STXBP5L: variants seen among roughly 807,000 people sequenced by gnomAD.
The protein encoded by STXBP5L is syntaxin-binding protein 5-like.
Under a neutral mutation model 144.5 loss-of-function variants are expected in STXBP5L, and 65 were observed. The observed-to-expected ratio is 0.45, with a 90% CI of 0.37 to 0.55. The LOEUF is 0.55. Among genes scored for constraint, STXBP5L ranks in the 20% least tolerant of loss-of-function variants. STXBP5L has a pLI of 0.00. For missense variants in STXBP5L, 1,298 were observed against 1,405.5 expected (o/e 0.92, Z 1.22); for synonymous variants, 505 against 469.6 (o/e 1.08, Z -0.97).
chr3:121,058,528 C>A (rs1005619985), intron 5 of STXBP5L, among the ~76,000 whole-genome samples: 1 of 152,290 alleles, frequency 6.6e-6, no homozygotes, highest in South Asian at 2.1e-4. Flanking sequence ...ATTTCTGATT[C>A]TAGATCCTTG....
intron 9 of STXBP5L, among the ~76,000 whole-genome samples, chr3:121,161,451 C>A (rs181347444): frequency 7.2e-5 from 11 of 151,966 alleles, no homozygotes; most frequent in African/African-American, 2.2e-4. Flanking sequence ...CAATTGCTTT[C>A]AAAATTTTGC....
At chr3:121,218,129 A>G (rs1204454276) in intron 10 of STXBP5L, among the ~76,000 whole-genome samples, 2 of 140,692 alleles carry the variant, frequency 1.4e-5, no homozygotes, top group African/African-American at 2.6e-5. Context: ...ATAATATAAT[A>G]TGTAGTATAA....
intron 5 of STXBP5L, among the ~76,000 whole-genome samples, chr3:121,052,212 T>C (rs1948065402): frequency 6.6e-6 from 1 of 152,066 alleles, no homozygotes; most frequent in Non-Finnish European, 1.5e-5. Context: ...AAAGAGGGAA[T>C]CCTCCCTAAC....
chr3:121,214,881 T>G (rs1300686161), intron 10 of STXBP5L, among the ~76,000 whole-genome samples: 1 of 152,228 alleles, frequency 6.6e-6, no homozygotes, highest in Non-Finnish European at 1.5e-5. Flanking sequence ...TTTATGAATC[T>G]GGGTGCTCCT....
intron 2 of STXBP5L, among the ~76,000 whole-genome samples, chr3:120,914,149 G>T (rs1708989371): frequency 1.3e-5 from 2 of 151,886 alleles, no homozygotes; most frequent in African/African-American, 2.4e-5. Context: ...TGATCTTTTT[G>T]GGGGAACAAC....
intron 20 of STXBP5L, among the ~76,000 whole-genome samples, chr3:121,321,950 C>A (rs1577454954): frequency 6.6e-6 from 1 of 152,156 alleles, no homozygotes; most frequent in African/African-American, 2.4e-5. Context: ...CTTCCCATCA[C>A]CCCGGCAGTG....
At chr3:121,228,910 C>A (rs539676555) in intron 11 of STXBP5L, among the ~76,000 whole-genome samples, 60 of 152,130 alleles carry the variant, frequency 3.9e-4, no homozygotes, top group African/African-American at 1.2e-3. Flanking sequence ...AGAAAGGAAA[C>A]CTTTGTTGTT....
chr3:121,259,123 C>T lies in STXBP5L; in HGVS notation c.1913C>T (p.Pro638Leu). Residue 638 changes from proline to leucine, a missense_variant, in exon 18 of 27, where the codon CCT becomes CTT. Coordinates refer to ENST00000471454, the MANE Select transcript of STXBP5L (RefSeq NM_001308330.2). ...CAATTGGTGTGGGTAGATGGTGAAC[C>T]TCCACAACAGATTACTAGTCTTGCT... ...VIQLVWVDGE[P>L]PQQITSLAVS... 6.2e-7 allele frequency: 1 copy of T among 1,601,132 alleles called. No homozygotes were observed. Among genetic ancestry groups the T allele is most frequent in the Non-Finnish European group, 8.5e-7 (1 of 1,172,626 alleles).
chr3:121,094,946 G>A, intron 5 of STXBP5L, among the ~76,000 whole-genome samples: 1 of 151,866 alleles, frequency 6.6e-6, no homozygotes, highest in East Asian at 1.9e-4. Context: ...CTTCCTTCAG[G>A]AGCTCTTTTA....
chr3:121,313,909 C>G (rs2043670620), intron 19 of STXBP5L, among the ~76,000 whole-genome samples: 1 of 144,932 alleles, frequency 6.9e-6, no homozygotes, highest in South Asian at 2.3e-4. Flanking sequence ...CGCTCCTCAC[C>G]TCCCAGACAG....
At position 120,993,616 on chromosome 3, in the gene STXBP5L, T is replaced by C. The variant is rs576118710; in HGVS notation, c.287+38579T>C. 1.8e-4 allele frequency among the ~76,000 whole-genome samples: 28 copies of C among 152,240 alleles called. No homozygotes were observed. In the South Asian group the frequency reaches 3.9e-3, roughly 21 times the overall value. On this transcript the variant is annotated intron_variant, in intron 3 of 26. Coordinates refer to ENST00000471454, the MANE Select transcript of STXBP5L (RefSeq NM_001308330.2). ...GCACCAAATGAGTTGGTTGTAAATA[T>C]GTGGATTTATTTGTGAATTCTGTGT...
At chr3:120,968,341 A>T (rs1429771727) in intron 3 of STXBP5L, among the ~76,000 whole-genome samples, 1 of 152,140 alleles carries the variant, frequency 6.6e-6, no homozygotes, top group Non-Finnish European at 1.5e-5. Context: ...TGACCCCTTC[A>T]TCATCATATA....
chr3:121,351,924 C>A (rs1345320046), intron 20 of STXBP5L, among the ~76,000 whole-genome samples: 1 of 152,086 alleles, frequency 6.6e-6, no homozygotes, highest in Non-Finnish European at 1.5e-5. Flanking sequence ...TTCCCAGCAC[C>A]ATTTATTAAA....
chr3:121,292,999 C>T (rs2051501944), intron 19 of STXBP5L, among the ~76,000 whole-genome samples: 1 of 152,094 alleles, frequency 6.6e-6, no homozygotes, highest in South Asian at 2.1e-4. Context: ...TGTAAATAAA[C>T]ACCACTTGTT....
At chr3:121,096,993 C>G (rs1230185565) in intron 5 of STXBP5L, among the ~76,000 whole-genome samples, 4 of 152,206 alleles carry the variant, frequency 2.6e-5, no homozygotes, top group Non-Finnish European at 5.9e-5. Flanking sequence ...GGGGTTTTGT[C>G]TATATGTCCC....
At chr3:121,392,770 CATATATATATATAT>C (rs71133531) in intron 22 of STXBP5L, among the ~76,000 whole-genome samples, 111 of 112,366 alleles carry the variant, frequency 9.9e-4, no homozygotes, top group Middle Eastern at 5.0e-3. Context: ...TATTTCATGG[CATATATATATATAT>C]ATATATATAT....
At chr3:121,345,807 C>CT (rs978778334) in intron 20 of STXBP5L, among the ~76,000 whole-genome samples, 7 of 151,936 alleles carry the variant, frequency 4.6e-5, no homozygotes, top group Non-Finnish European at 4.4e-5. Context: ...TAGAAGTCTT[C>CT]TTTTTTTATA....
chr3:120,998,224 C>A (rs1217667076), intron 3 of STXBP5L, among the ~76,000 whole-genome samples: 2 of 152,094 alleles, frequency 1.3e-5, no homozygotes, highest in Non-Finnish European at 2.9e-5. Context: ...TACTGGAAGT[C>A]CTAGCCAGAG....
intron 19 of STXBP5L, among the ~76,000 whole-genome samples, chr3:121,301,188 G>A (rs913936767): frequency 3.9e-5 from 6 of 152,170 alleles, no homozygotes; most frequent in African/African-American, 7.2e-5. Flanking sequence ...AGCATGGAAT[G>A]TTCTTCCATT....
Sources: gnomAD v4.1 joint callset for allele counts (sites outside exome capture counted in the v4.1 genomes callset) on GRCh38, gnomAD v4.1.1 for gene constraint, MANE v1.5 for transcripts, NCBI Gene and HGNC (gene_info 2026-07-23, HGNC 2026-07-21) for gene names.